The following SLC6A12 variants were observed in gnomAD, a reference collection of about 807,000 sequenced individuals.
SLC6A12 encodes the protein sodium- and chloride-dependent betaine transporter.
In SLC6A12, 50 loss-of-function variants were observed where a neutral mutation model predicts 73.3. The ratio of observed to expected loss-of-function variants is 0.68; its 90% CI spans 0.54 to 0.86. The LOEUF (loss-of-function observed/expected upper bound fraction) is 0.86. Ranked by LOEUF, SLC6A12 falls within the 40% of genes least tolerant of loss-of-function variation. The probability of loss-of-function intolerance (pLI) is 0.00; values close to 1 mark genes in which losing one functional copy is unlikely to be tolerated. For synonymous variants in SLC6A12, 304 were observed against 309.2 expected, an observed-to-expected ratio of 0.98 and a Z score of 0.18; for missense variants, 648 against 772.8, an observed-to-expected ratio of 0.84 and a Z score of 1.92.
chr12:212,893 G>C (rs1038149871), intron 1 of SLC6A12, among the ~76,000 whole-genome samples: 14 of 144,546 alleles, frequency 9.7e-5, no homozygotes, highest in African/African-American at 1.4e-4. Context: ...GCCGGGACAG[G>C]GGGGTGAGGG....
At chr12:187,624 A>AAAAAAAAC (rs1565461368), downstream of SLC6A12, among the ~76,000 whole-genome samples, 1 of 37,040 alleles carries the variant, frequency 2.7e-5, no homozygotes, top group Non-Finnish European at 6.8e-5. Context: ...AAAAAAAAAA[A>AAAAAAAAC]AAAAAAACAA....
chr12:184,268 A>G, the SLC6A12 span, among the ~76,000 whole-genome samples: 3 of 152,198 alleles, frequency 2.0e-5, no homozygotes, highest in South Asian at 6.2e-4. Flanking sequence ...TGTTGATTTG[A>G]AAAAAACCTA....
At chr12:197,606 G>T in intron 9 of SLC6A12, 105 bp from the exon 10 acceptor site, 1 of 1,208,638 alleles carries the variant, frequency 8.3e-7, no homozygotes, top group Non-Finnish European at 1.1e-6. Flanking sequence ...AGGGGACCAA[G>T]GAGAGAGAAG....
intron 5 of SLC6A12, among the ~76,000 whole-genome samples, chr12:202,110 C>T (rs1454369447): frequency 6.6e-6 from 1 of 152,140 alleles, no homozygotes; most frequent in Non-Finnish European, 1.5e-5. Flanking sequence ...TACTCAGTCC[C>T]CTCATGGGCG....
Position 198,324 on chromosome 12 carries a change from T to C in SLC6A12, c.847-321A>G, listed in dbSNP as rs2038173186. 6.6e-6 allele frequency among the ~76,000 whole-genome samples: 1 copy of C among 152,246 alleles called. No homozygotes were observed. The highest frequency in any genetic ancestry group is 2.1e-4 in the South Asian group (1 of 4,834). ...CTGCAGGGCACAGCCAGAAGTCACT[T>C]GTCTCATTCAACTAAGATCTCTGTA... On this transcript the variant is annotated intron_variant, in intron 8 of 15. Coordinates refer to ENST00000684302, the MANE Select transcript of SLC6A12 (RefSeq NM_001122848.3). The surrounding 1 kb of genome is among the most constrained non-coding windows in gnomAD (Gnocchi z 4.0).
chr12:212,530 T>A lies in SLC6A12; in HGVS notation c.-142-420A>T, dbSNP rs550289536. 6.1e-4 allele frequency among the ~76,000 whole-genome samples: 92 copies of A among 151,978 alleles called. 1 individual carries two copies. Among genetic ancestry groups the A allele is most frequent in the African/African-American group, 1.8e-3 (73 of 41,418 alleles). ...CAACATGATTTTTTAAAAATAAAAATGAAAATAAAAAAGTAATCGGGAGGA... is the reference window on the plus strand; with the variant it reads ...CAACATGATTTTTTAAAAATAAAAAAGAAAATAAAAAAGTAATCGGGAGGA... On this transcript the variant is annotated intron_variant, in intron 1 of 15. Coordinates refer to ENST00000684302, the MANE Select transcript of SLC6A12 (RefSeq NM_001122848.3).
At chr12:206,607 G>A (rs749074438) in intron 3 of SLC6A12, among the ~76,000 whole-genome samples, 1 of 152,260 alleles carries the variant, frequency 6.6e-6, no homozygotes, top group Admixed American at 6.5e-5. Context: ...GAAGGAAAAA[G>A]GTTGTCTTCT....
the SLC6A12 span, among the ~76,000 whole-genome samples, chr12:184,569 T>C: frequency 6.6e-6 from 1 of 152,004 alleles, no homozygotes; most frequent in Non-Finnish European, 1.5e-5. Flanking sequence ...GCTAACACGG[T>C]GAAACCCCAT....
At chr12:196,655 G>T in intron 11 of SLC6A12, 115 bp downstream of exon 11, 1 of 769,664 alleles carries the variant, frequency 1.3e-6, no homozygotes. Context: ...GGACAGCAGA[G>T]GGGGCCTCAG....
At chr12:186,347 G>A (rs544306701), downstream of SLC6A12, among the ~76,000 whole-genome samples, 2 of 152,340 alleles carry the variant, frequency 1.3e-5, no homozygotes, top group African/African-American at 4.8e-5. Context: ...TGTCAGCCAG[G>A]TGAAGGAACT....
rs2137139643 is a variant in SLC6A12, at chr12:198,685, G to T, written c.846+112C>A. On this transcript the variant is annotated intron_variant, in intron 8 of 15. Coordinates refer to ENST00000684302, the MANE Select transcript of SLC6A12 (RefSeq NM_001122848.3). The surrounding 1 kb of genome is among the most constrained non-coding windows in gnomAD (Gnocchi z 4.0). ...TTCCATATTTTCTAATTTATCTCCA[G>T]TGGGCATTTATTGCTTTTAAACCAA... is the stretch of plus-strand genomic sequence containing the variant. The T allele has an allele frequency of 1.2e-6, 1 of 809,438 alleles. No homozygotes were observed. The highest frequency in any genetic ancestry group is 1.9e-6 in the Non-Finnish European group (1 of 522,808). The allele number at this position is 809,438 out of a possible 1,614,324, so 50.1% of individuals were successfully genotyped here.
chr12:187,348 T>C (rs1282190461), downstream of SLC6A12, among the ~76,000 whole-genome samples: 1 of 151,994 alleles, frequency 6.6e-6, no homozygotes, highest in African/African-American at 2.4e-5. Flanking sequence ...TCAGATGTGT[T>C]CGGAGTTTTT....
chr12:197,207 A>ATC (rs1275171225), intron 10 of SLC6A12, among the ~76,000 whole-genome samples, 170 bp downstream of exon 10: 4 of 96,774 alleles, frequency 4.1e-5, no homozygotes, highest in African/African-American at 1.4e-4. Context: ...TCATCCATCC[A>ATC]TGGAAGCCCT....
chr12:196,241 C>G lies in SLC6A12; in HGVS notation c.1209G>C (p.Leu403=), dbSNP rs1939856367. 1 of 1,607,106 alleles carries G rather than the reference C, an allele frequency of 6.2e-7. No individual in the cohort carries two copies. The change falls in exon 12 of 16, where the codon CTG becomes CTC. Residue 403 remains leucine, a synonymous_variant. Transcript: ENST00000684302. ...GGAACATGTCTATGGAGGCTGTCAC[C>G]AGGCACTCCACACAGACAAACTGTG... ...LDSQFVCVEC[L]VTASIDMFPR...
At chr12:210,102 T>A in intron 2 of SLC6A12, 59 bp from the exon 3 acceptor site, 1 of 1,479,252 alleles carries the variant, frequency 6.8e-7, no homozygotes, top group South Asian at 1.4e-5. Context: ...AGCCCTGCTT[T>A]CCCATCCCGA....
downstream of SLC6A12, among the ~76,000 whole-genome samples, chr12:185,277 G>A (rs78051448): frequency 0.045 from 6,797 of 152,270 alleles, 221 homozygotes; most frequent in Non-Finnish European, 0.07. Flanking sequence ...CCTGCTCCCC[G>A]GAACCTCCTC....
At chr12:207,129 A>T (rs935607523) in intron 3 of SLC6A12, among the ~76,000 whole-genome samples, 2 of 152,218 alleles carry the variant, frequency 1.3e-5, no homozygotes, top group African/African-American at 4.8e-5. Context: ...GAACGCTGAC[A>T]CTGCTACACC....
chr12:196,897 GCA>G lies in SLC6A12; in HGVS notation c.1076-17_1076-16del. On this transcript the variant is annotated splice_polypyrimidine_tract_variant and intron_variant, in intron 10 of 15. Coordinates refer to ENST00000684302, the MANE Select transcript of SLC6A12 (RefSeq NM_001122848.3). The stretch of plus-strand genomic sequence containing the variant: ...CAGCCCAGGACCTGCCAGGTACACA[GCA>G]CAGTCAGGGAGGCTCCAGGGCGTGT... 6.3e-7 allele frequency: 1 copy of G among 1,592,994 alleles called. No homozygotes were observed.
At chr12:187,660 A>G (rs1193729586), downstream of SLC6A12, among the ~76,000 whole-genome samples, 3 of 143,260 alleles carry the variant, frequency 2.1e-5, no homozygotes, top group Non-Finnish European at 3.0e-5. Flanking sequence ...CCCACTGCAC[A>G]CAACGCGACC....
Sources: allele counts gnomAD v4.1 joint callset (sites outside exome capture counted in the v4.1 genomes callset), GRCh38; gene constraint gnomAD v4.1.1; non-coding constraint Gnocchi (gnomAD v3.1); transcripts MANE v1.5; gene names NCBI Gene and HGNC (gene_info 2026-07-23, HGNC 2026-07-21).